SRPK2: variants seen among roughly 807,000 people sequenced by gnomAD.
SRPK2 encodes SRSF protein kinase 2.
SRPK2 carries 21 observed loss-of-function variants against 90.8 expected under a neutral mutation model. That is an observed-to-expected ratio of 0.23 (90% CI 0.16 to 0.33). SRPK2 has a LOEUF of 0.33. Among genes scored for constraint, SRPK2 ranks in the 10% least tolerant of loss-of-function variants. The probability of loss-of-function intolerance (pLI) is 1.00; values close to 1 mark genes in which losing one functional copy is unlikely to be tolerated. For synonymous variants in SRPK2, 288 were observed against 311.1 expected, an observed-to-expected ratio of 0.93 and a Z score of 0.78; for missense variants, 620 against 869.0, an observed-to-expected ratio of 0.71 and a Z score of 3.60.
At chr7:105,162,941 A>G (rs571237996) in intron 6 of SRPK2, among the ~76,000 whole-genome samples, 1 of 152,256 alleles carries the variant, frequency 6.6e-6, no homozygotes, top group Admixed American at 6.5e-5. Flanking sequence ...CAAGTCGGAC[A>G]CAGAAGAAGT....
At chr7:105,354,084 GAGCAGCC>G (rs1209648775) in intron 2 of SRPK2, among the ~76,000 whole-genome samples, 42 of 152,306 alleles carry the variant, frequency 2.8e-4, no homozygotes, top group African/African-American at 1.0e-3. Context: ...GGCCTTCGAG[GAGCAGCC>G]AGTATGTATG....
At chr7:105,375,659 A>C (rs144087007) in intron 2 of SRPK2, among the ~76,000 whole-genome samples, 110 of 152,360 alleles carry the variant, frequency 7.2e-4, no homozygotes, top group Middle Eastern at 3.4e-3. Flanking sequence ...TTTAGAAATA[A>C]ATAAGCAAGC....
intron 2 of SRPK2, among the ~76,000 whole-genome samples, chr7:105,368,386 C>T (rs1341425913): frequency 6.6e-6 from 1 of 152,090 alleles, no homozygotes; most frequent in Non-Finnish European, 1.5e-5. Context: ...TTTTACTTTT[C>T]CTCCCAGCAA....
intron 3 of SRPK2, among the ~76,000 whole-genome samples, chr7:105,184,239 A>T (rs1243414906): frequency 6.6e-6 from 1 of 151,918 alleles, no homozygotes; most frequent in Non-Finnish European, 1.5e-5. Context: ...TTGGCCTCTC[A>T]AAGTGCTGGG....
chr7:105,229,141 A>C (rs1459826530), intron 2 of SRPK2, among the ~76,000 whole-genome samples: 2 of 152,030 alleles, frequency 1.3e-5, no homozygotes, highest in African/African-American at 2.4e-5. Flanking sequence ...ACCACCCAAA[A>C]TTTTGAAGGT....
intron 2 of SRPK2, among the ~76,000 whole-genome samples, chr7:105,315,325 A>G (rs1812194872): frequency 6.6e-6 from 1 of 152,220 alleles, no homozygotes; most frequent in Non-Finnish European, 1.5e-5. Flanking sequence ...AATTTTAATA[A>G]TACTAACTCT....
chr7:105,181,781 C>T lies in SRPK2; in HGVS notation c.230-12516G>A, dbSNP rs572442948. Among the ~76,000 whole-genome samples the T allele has an allele frequency of 1.9e-4, 29 of 151,818 alleles. 1 individual carries two copies. The South Asian group carries it at 5.6e-3, about 29-fold the overall frequency. ...CATCTATAGGGCACTATGCTTATTA[C>T]CTGGGTGATGAAATAATCTATACAC... On this transcript the variant is annotated intron_variant, in intron 3 of 15. Coordinates refer to ENST00000393651, the MANE Select transcript of SRPK2 (RefSeq NM_182692.3).
At chr7:105,364,455 C>A (rs949280114) in intron 2 of SRPK2, among the ~76,000 whole-genome samples, 7 of 146,904 alleles carry the variant, frequency 4.8e-5, no homozygotes, top group African/African-American at 1.0e-4. Context: ...GGCTGGAGTG[C>A]GGTGCCATGA....
rs1562979523 is a variant in SRPK2 at position 105,143,157 on chromosome 7, T to C, written c.987A>G (p.Glu329=). The stretch of plus-strand genomic sequence containing the variant: ...TTTTTAGTTTCACCTCTGGGCAGTA[T>C]TCGCCATCCTGGTCATTGGAAGGTG... The part of the protein sequence containing the change: ...SAAPSNDQDG[E]YCPEVKLKTT... The change falls in exon 10 of 16, where the codon GAA becomes GAG. Residue 329 remains glutamate, a synonymous_variant. Coordinates refer to ENST00000393651, the MANE Select transcript of SRPK2 (RefSeq NM_182692.3). 6.2e-7 allele frequency: 1 copy of C among 1,614,220 alleles called. No homozygotes were observed.
chr7:105,133,206 G>T, intron 11 of SRPK2, 102 bp from the exon 12 acceptor site: 2 of 1,046,158 alleles, frequency 1.9e-6, no homozygotes, highest in Non-Finnish European at 3.0e-6. Context: ...CAAGAGTAGT[G>T]GAATGATCAC....
intron 3 of SRPK2, among the ~76,000 whole-genome samples, chr7:105,190,367 C>T (rs918632315): frequency 6.6e-6 from 1 of 152,190 alleles, no homozygotes; most frequent in South Asian, 2.1e-4. Flanking sequence ...AAAATGAACA[C>T]ATATCTTGGT....
chr7:105,263,180 G>A (rs994177743), intron 2 of SRPK2, among the ~76,000 whole-genome samples: 5 of 151,950 alleles, frequency 3.3e-5, no homozygotes, highest in Admixed American at 2.0e-4. Context: ...AAAATTAGCC[G>A]GGCGTGGTGG....
chr7:105,348,425 CTT>C (rs1198801071), intron 2 of SRPK2, among the ~76,000 whole-genome samples: 21 of 117,548 alleles, frequency 1.8e-4, no homozygotes, highest in East Asian at 2.5e-4. Context: ...TTTTTTCTTT[CTT>C]TTTTTTTTTT....
intron 3 of SRPK2, among the ~76,000 whole-genome samples, chr7:105,179,315 G>C (rs532504137): frequency 3.0e-4 from 45 of 152,268 alleles, no homozygotes; most frequent in African/African-American, 1.1e-3. Flanking sequence ...CTATACCTGG[G>C]TATATATTAT....
intron 8 of SRPK2, among the ~76,000 whole-genome samples, chr7:105,146,224 T>C (rs1169024726): frequency 6.6e-6 from 1 of 152,228 alleles, no homozygotes; most frequent in Non-Finnish European, 1.5e-5. Flanking sequence ...GCAGAGAAGC[T>C]GGCAACAGAA....
rs1804271093 is a variant in SRPK2 at position 105,261,433 on chromosome 7, A to T, written c.72-57648T>A. 2.0e-5 allele frequency among the ~76,000 whole-genome samples: 3 copies of T among 152,160 alleles called. No individual in the cohort carries two copies. The South Asian group carries it at 6.2e-4, about 32-fold the overall frequency. ...CTACTCAGGAGGCTGAGGCAGGAGAATGGCGTGAACCTGGGAGGCGGAGCT... is the reference window on the plus strand; with the variant it reads ...CTACTCAGGAGGCTGAGGCAGGAGATTGGCGTGAACCTGGGAGGCGGAGCT... On this transcript the variant is annotated intron_variant, in intron 2 of 15. Coordinates refer to ENST00000393651, the MANE Select transcript of SRPK2 (RefSeq NM_182692.3).
intron 3 of SRPK2, among the ~76,000 whole-genome samples, chr7:105,170,887 GAAAGAAAGAAAGA>G (rs1790866686): frequency 1.0e-5 from 1 of 100,480 alleles, no homozygotes; most frequent in Non-Finnish European, 2.1e-5. Flanking sequence ...AAGAAAGAAA[GAAAGAAAGAAAGA>G]AAGAAAGAAA....
At chr7:105,308,235 C>T (rs1020149765) in intron 2 of SRPK2, among the ~76,000 whole-genome samples, 1 of 152,172 alleles carries the variant, frequency 6.6e-6, no homozygotes, top group South Asian at 2.1e-4. Flanking sequence ...ATTTTGCCAA[C>T]AACCAACTGT....
intron 2 of SRPK2, among the ~76,000 whole-genome samples, chr7:105,309,586 C>T (rs965097984): frequency 2.0e-5 from 3 of 152,164 alleles, no homozygotes; most frequent in Non-Finnish European, 4.4e-5. Context: ...ACAAAAACAC[C>T]AATCTGTGGC....
Sources: gnomAD v4.1 joint callset for allele counts (sites outside exome capture counted in the v4.1 genomes callset) on GRCh38, gnomAD v4.1.1 for gene constraint, MANE v1.5 for transcripts, NCBI Gene and HGNC (gene_info 2026-07-23, HGNC 2026-07-21) for gene names.